MYO5C: variants seen among roughly 807,000 people sequenced by gnomAD.
The protein encoded by MYO5C is myosin VC.
MYO5C carries 194 observed loss-of-function variants against 235.7 expected under a neutral mutation model. The ratio of observed to expected loss-of-function variants is 0.82; its 90% CI spans 0.73 to 0.93. The LOEUF (loss-of-function observed/expected upper bound fraction) is 0.93, where lower values mean the gene tolerates loss of function less well. MYO5C is among the 40% of genes least tolerant of loss of function. The pLI is 0.00. For synonymous variants in MYO5C, 707 were observed against 754.8 expected, an observed-to-expected ratio of 0.94 and a Z score of 1.04; for missense variants, 2,038 against 2,127.2, an observed-to-expected ratio of 0.96 and a Z score of 0.82.
intron 38 of MYO5C, among the ~76,000 whole-genome samples, chr15:52,204,136 A>G (rs187354002): frequency 6.6e-6 from 1 of 152,250 alleles, no homozygotes; most frequent in African/African-American, 2.4e-5. Context: ...ACACACCTCA[A>G]AACTAGATTC....
chr15:52,253,222 AG>A, intron 12 of MYO5C, 94 bp downstream of exon 12: 2 of 1,187,414 alleles, frequency 1.7e-6, no homozygotes, highest in South Asian at 2.8e-5. Context: ...GATAAACATC[AG>A]GACTTCACAA....
chr15:52,238,651 G>GT (rs1402312685), intron 21 of MYO5C, among the ~76,000 whole-genome samples: 2 of 152,096 alleles, frequency 1.3e-5, no homozygotes, highest in Admixed American at 6.5e-5. Flanking sequence ...TTTTTTGCCT[G>GT]TTTTTTGAGA....
chr15:52,249,662 T>C (rs1228603563), intron 13 of MYO5C, among the ~76,000 whole-genome samples: 1 of 152,130 alleles, frequency 6.6e-6, no homozygotes, highest in African/African-American at 2.4e-5. Context: ...CCTGGATTGT[T>C]GTACAAATTC....
At position 52,245,941 on chromosome 15, in the gene MYO5C, G is replaced by A. The variant is rs537513781; in HGVS notation, c.2066+15C>T. The A allele has an allele frequency of 2.2e-5, 36 of 1,611,384 alleles. No individual in the cohort carries two copies. The highest frequency in any genetic ancestry group is 3.0e-5 in the Non-Finnish European group (35 of 1,177,682). On this transcript the variant is annotated intron_variant, in intron 17 of 40. Coordinates refer to ENST00000261839, the MANE Select transcript of MYO5C (RefSeq NM_018728.4). ...TCAGGTACTTTTCCCTCCAAGACAA[G>A]GACGGACAACATACCTGGAAGGGTA...
At chr15:52,270,254 C>T (rs977568366) in intron 7 of MYO5C, among the ~76,000 whole-genome samples, 6 of 152,162 alleles carry the variant, frequency 3.9e-5, no homozygotes, top group African/African-American at 1.4e-4. Flanking sequence ...TGCACCCCAG[C>T]CTCAGTGACC....
chr15:52,265,280 TCA>T (rs1472272484), intron 8 of MYO5C: 1 of 152,206 alleles, frequency 6.6e-6, no homozygotes, highest in Non-Finnish European at 1.5e-5. Flanking sequence ...ACCCTGTAAA[TCA>T]CAGTGTAGAC....
chr15:52,225,303 C>T, intron 26 of MYO5C, 136 bp downstream of exon 26: 2 of 1,029,496 alleles, frequency 1.9e-6, no homozygotes, highest in South Asian at 2.7e-5. Flanking sequence ...AACCAACTAG[C>T]TATTCAACCT....
At chr15:52,242,528 A>G in intron 19 of MYO5C, 1 of 236,710 alleles carries the variant, frequency 4.2e-6, no homozygotes. Context: ...CTATTTACAT[A>G]TCCCCCACGG....
At chr15:52,221,386 G>T in intron 29 of MYO5C, 131 bp from the exon 30 acceptor site, 1 of 620,296 alleles carries the variant, frequency 1.6e-6, no homozygotes, top group East Asian at 2.8e-5. Flanking sequence ...AGCTAGCCAC[G>T]ACATTAGACT....
intron 1 of MYO5C, 89 bp from the exon 2 acceptor site, chr15:52,282,981 G>T: frequency 1.2e-6 from 1 of 819,176 alleles, no homozygotes; most frequent in Non-Finnish European, 2.1e-6. Context: ...TTCTTTCTGT[G>T]CACTAGGTCA....
At chr15:52,214,727 A>G in intron 32 of MYO5C, 37 bp from the exon 33 acceptor site, 1 of 1,430,930 alleles carries the variant, frequency 7.0e-7, no homozygotes, top group Non-Finnish European at 9.4e-7. Context: ...TTAGCTTAGA[A>G]GCACTTTAAT....
chr15:52,224,959 G>T lies in MYO5C; in HGVS notation c.3388C>A (p.His1130Asn), dbSNP rs754862405. ...CAAAGTTCTCCATCCTCATTTAAAT[G>T]TTCCAGATCTTCCACAGAGAGCCTG... Reference protein sequence around the residue: ...RSRLSVEDLEHLNEDGELWFA... With the variant: ...RSRLSVEDLENLNEDGELWFA... The change falls in exon 28 of 41, where the codon CAT becomes AAT. Residue 1130 changes from histidine to asparagine, a missense_variant. Transcript: ENST00000261839. The T allele has an allele frequency of 1.2e-5, 19 of 1,613,862 alleles. No individual in the cohort carries two copies. Among genetic ancestry groups the T allele is most frequent in the Non-Finnish European group, 1.5e-5 (18 of 1,179,962 alleles).
chr15:52,264,579 A>C (rs1166735904), intron 8 of MYO5C, among the ~76,000 whole-genome samples: 2 of 152,198 alleles, frequency 1.3e-5, no homozygotes, highest in South Asian at 2.1e-4. Flanking sequence ...GGTTCCTCGG[A>C]GAGTCATCTT....
intron 13 of MYO5C, among the ~76,000 whole-genome samples, chr15:52,250,315 T>A (rs1308413115): frequency 2.7e-5 from 4 of 148,362 alleles, no homozygotes; most frequent in Non-Finnish European, 4.4e-5. Flanking sequence ...TGATCTTGGC[T>A]CAATGCAACC....
chr15:52,223,708 A>T lies in MYO5C; in HGVS notation c.3463T>A (p.Phe1155Ile). Reference sequence around the variant, plus strand: ...TCATAGCAATCCTTCTGAGACTGGAAATGGCTCTCCAAAACACTATTAAAG... The same window carrying T: ...TCATAGCAATCCTTCTGAGACTGGATATGGCTCTCCAAAACACTATTAAAG... ...KKATRVLESH[F>I]QSQKDCYEKE... The change falls in exon 29 of 41, where the codon TTC becomes ATC. Residue 1155 changes from phenylalanine to isoleucine, a missense_variant. Coordinates refer to ENST00000261839, the MANE Select transcript of MYO5C (RefSeq NM_018728.4). 6.2e-7 allele frequency: 1 copy of T among 1,614,016 alleles called. No individual in the cohort carries two copies. Among genetic ancestry groups the T allele is most frequent in the Non-Finnish European group, 8.5e-7 (1 of 1,179,952 alleles).
At chr15:52,262,746 A>T (rs1439718380) in intron 9 of MYO5C, among the ~76,000 whole-genome samples, 1 of 152,248 alleles carries the variant, frequency 6.6e-6, no homozygotes, top group Non-Finnish European at 1.5e-5. Flanking sequence ...AACCGTTGGT[A>T]GCAGACAGCC....
intron 1 of MYO5C, among the ~76,000 whole-genome samples, chr15:52,295,301 G>A (rs1201964231): frequency 6.6e-6 from 1 of 152,234 alleles, no homozygotes; most frequent in Non-Finnish European, 1.5e-5. Flanking sequence ...CGAGGCCGGA[G>A]CGGCGGAGGG....
intron 28 of MYO5C, among the ~76,000 whole-genome samples, chr15:52,224,075 G>C (rs2035762661): frequency 6.6e-6 from 1 of 152,178 alleles, no homozygotes; most frequent in Non-Finnish European, 1.5e-5. Context: ...TTGAGGTCAG[G>C]AGTTTGAGAC....
At chr15:52,243,860 G>A (rs2036278059) in intron 19 of MYO5C, among the ~76,000 whole-genome samples, 1 of 152,178 alleles carries the variant, frequency 6.6e-6, no homozygotes, top group South Asian at 2.1e-4. Context: ...GGCTTGGCTG[G>A]GGCTGCTGTG....
Sources: allele counts gnomAD v4.1 joint callset (sites outside exome capture counted in the v4.1 genomes callset), GRCh38; gene constraint gnomAD v4.1.1; transcripts MANE v1.5; gene names NCBI Gene and HGNC (gene_info 2026-07-23, HGNC 2026-07-21).